ZCWPW2: variants seen among roughly 807,000 people sequenced by gnomAD.
ZCWPW2 encodes zinc finger CW-type PWWP domain protein 2.
ZCWPW2 carries 45 observed loss-of-function variants against 46.6 expected under a neutral mutation model. The observed-to-expected ratio is 0.96, with a 90% CI of 0.76 to 1.24. ZCWPW2 has a LOEUF of 1.24. ZCWPW2 is among the 50% of genes most tolerant of loss of function. ZCWPW2 has a pLI of 0.00. For missense variants in ZCWPW2, 429 were observed against 403.9 expected, an observed-to-expected ratio of 1.06 and a Z score of -0.53; for synonymous variants, 152 against 137.1, an observed-to-expected ratio of 1.11 and a Z score of -0.76.
chr3:28,430,201 CA>C (rs1697197302), intron 3 of ZCWPW2, among the ~76,000 whole-genome samples: 1 of 152,258 alleles, frequency 6.6e-6, no homozygotes, highest in Admixed American at 6.5e-5. Context: ...TGCACAGCCA[CA>C]GGGGTGGAGC....
intron 4 of ZCWPW2, among the ~76,000 whole-genome samples, chr3:28,440,678 AGCCCACT>A (rs1196823185): frequency 1.3e-5 from 2 of 152,210 alleles, no homozygotes; most frequent in African/African-American, 4.8e-5. Context: ...TATAAGCATG[AGCCCACT>A]GCCACGCTTC....
Position 28,524,750 on chromosome 3 carries a change from T to G in ZCWPW2, c.*62T>G. The G allele has an allele frequency of 7.8e-7, 1 of 1,280,918 alleles. No homozygotes were observed. The highest frequency in any genetic ancestry group is 1.0e-6 in the Non-Finnish European group (1 of 973,752). The allele number at this position is 1,280,918 out of a possible 1,614,324, so 79.3% of individuals were successfully genotyped here. On this transcript the variant is annotated 3_prime_UTR_variant, in exon 10 of 10. Transcript: ENST00000383768. ...TGGCATCTTTATATTTATCCAAAGT[T>G]AAAACTTTAAAAATGTTTAGTGAAA...
In ZCWPW2 at chr3:28,492,193, T is replaced by G. The variant is rs1378999955; in HGVS notation, c.657+20T>G. ...AAAAGGGTAAGATTGTGTTTTATTA[T>G]ATAAAATATACAAACTTCAAATTTC... On this transcript the variant is annotated intron_variant, in intron 6 of 9. Transcript: ENST00000383768. 1 of 1,583,344 alleles carries G rather than the reference T, an allele frequency of 6.3e-7. No homozygotes were observed. The highest frequency in any genetic ancestry group is 1.2e-5 in the South Asian group (1 of 84,500).
intron 1 of ZCWPW2, among the ~76,000 whole-genome samples, chr3:28,385,796 G>A (rs1269410296): frequency 5.9e-5 from 9 of 152,136 alleles, no homozygotes; most frequent in Non-Finnish European, 1.3e-4. Flanking sequence ...TGGCCATGGT[G>A]AATTTTTTCT....
chr3:28,500,376 A>G (rs562265667), intron 6 of ZCWPW2, among the ~76,000 whole-genome samples: 17 of 152,220 alleles, frequency 1.1e-4, no homozygotes, highest in African/African-American at 4.1e-4. Flanking sequence ...TTTTCAATAG[A>G]GAATTTTACA....
rs1037995199 is a variant in ZCWPW2 at position 28,458,225 on chromosome 3, A to C, written c.493-20589A>C. Among the ~76,000 whole-genome samples the C allele has an allele frequency of 2.6e-5, 4 of 152,182 alleles. No individual in the cohort carries two copies. In the South Asian group the frequency reaches 8.3e-4, roughly 31 times the overall value. On this transcript the variant is annotated intron_variant, in intron 4 of 9. Transcript: ENST00000383768. ...CTCTATGTAAACTTATGCAAGTTCT[A>C]AACTCAGTGCCTCTACTTTCTCATC... is the stretch of plus-strand genomic sequence containing the variant.
chr3:28,405,394 A>G (rs1202978804), intron 2 of ZCWPW2, among the ~76,000 whole-genome samples: 1 of 148,874 alleles, frequency 6.7e-6, no homozygotes, highest in East Asian at 1.9e-4. Flanking sequence ...AGAATGTGAT[A>G]GTGGATTTAG....
intron 4 of ZCWPW2, among the ~76,000 whole-genome samples, chr3:28,458,219 A>T (rs188638607): frequency 6.6e-6 from 1 of 152,180 alleles, no homozygotes; most frequent in Non-Finnish European, 1.5e-5. Context: ...AACTTATGCA[A>T]GTTCTAAACT....
Position 28,436,414 on chromosome 3 carries a change from A to T in ZCWPW2, c.492+1145A>T, listed in dbSNP as rs149032441. Among the ~76,000 whole-genome samples the T allele has an allele frequency of 5.3e-3, 801 of 149,720 alleles. 4 individuals carry two copies. Among genetic ancestry groups the T allele is most frequent in the African/African-American group, 0.019 (769 of 40,698 alleles). On this transcript the variant is annotated intron_variant, in intron 4 of 9. Coordinates refer to ENST00000383768, the MANE Select transcript of ZCWPW2 (RefSeq NM_001040432.4). ...AGCCTCCCAAGTAGTTAAGTCTACA[A>T]GCAGACACTACTGTGCCCAGCTGGA...
chr3:28,425,731 A>G (rs572525313), intron 3 of ZCWPW2, among the ~76,000 whole-genome samples: 57 of 152,346 alleles, frequency 3.7e-4, no homozygotes, highest in African/African-American at 1.3e-3. Flanking sequence ...TTCTTTTCCT[A>G]TGTGCAGACT....
chr3:28,421,816 C>T (rs148671369), intron 3 of ZCWPW2, among the ~76,000 whole-genome samples: 285 of 142,198 alleles, frequency 2.0e-3, no homozygotes, highest in African/African-American at 7.0e-3. Flanking sequence ...TGTTGAGAAC[C>T]ATATGTTGGA....
intron 1 of ZCWPW2, among the ~76,000 whole-genome samples, 197 bp downstream of exon 1, chr3:28,349,400 C>G (rs1704442137): frequency 6.6e-6 from 1 of 152,180 alleles, no homozygotes; most frequent in African/African-American, 2.4e-5. Flanking sequence ...GAAGCCGTTC[C>G]TCTGTAGCCT....
chr3:28,371,956 TCTTCCTTCTTCTTTCC>T (rs1438208049), intron 1 of ZCWPW2, among the ~76,000 whole-genome samples: 12 of 148,636 alleles, frequency 8.1e-5, no homozygotes, highest in Non-Finnish European at 1.6e-4. Flanking sequence ...TCCTTCTTCT[TCTTCCTTCTTCTTTCC>T]TCCTCCTCCT....
intron 1 of ZCWPW2, among the ~76,000 whole-genome samples, chr3:28,376,395 T>G (rs1705500918): frequency 6.6e-6 from 1 of 152,168 alleles, no homozygotes; most frequent in South Asian, 2.1e-4. Flanking sequence ...ATTACCCATA[T>G]CTTTACAGAT....
intron 2 of ZCWPW2, among the ~76,000 whole-genome samples, chr3:28,392,284 T>C (rs1447109784): frequency 6.6e-6 from 1 of 152,162 alleles, no homozygotes; most frequent in Non-Finnish European, 1.5e-5. Flanking sequence ...TAAATATATA[T>C]GCACCCAACA....
intron 4 of ZCWPW2, among the ~76,000 whole-genome samples, chr3:28,440,775 C>T (rs1449813949): frequency 3.3e-5 from 5 of 152,140 alleles, no homozygotes; most frequent in African/African-American, 1.2e-4. Flanking sequence ...TTCTGTGAGT[C>T]GATGGATGAT....
intron 4 of ZCWPW2, among the ~76,000 whole-genome samples, chr3:28,438,242 C>T (rs367971861): frequency 6.6e-6 from 1 of 152,292 alleles, no homozygotes; most frequent in South Asian, 2.1e-4. Context: ...TGTAATCTCC[C>T]TCATTTGTGC....
Position 28,349,032 on chromosome 3 carries a change from A to T in ZCWPW2, c.-305A>T. ...GGCTCGGCGCCAGGGACGCGCGAGG[A>T]AACCGGAAGTCAGGCCCGAGGGAGC... On this transcript the variant is annotated 5_prime_UTR_variant, in exon 1 of 10. Coordinates refer to ENST00000383768, the MANE Select transcript of ZCWPW2 (RefSeq NM_001040432.4). 1 of 986,144 alleles carries T rather than the reference A, an allele frequency of 1.0e-6. No individual in the cohort carries two copies. The allele number at this position is 986,144 out of a possible 1,614,324, so 61.1% of individuals were successfully genotyped here. A position where few individuals can be genotyped will look rare whatever the true frequency, so the allele number is the denominator to read the frequency against.
intron 1 of ZCWPW2, among the ~76,000 whole-genome samples, chr3:28,382,334 T>C (rs1695137454): frequency 6.6e-6 from 1 of 152,164 alleles, no homozygotes; most frequent in African/African-American, 2.4e-5. Flanking sequence ...ATCTTCTCCC[T>C]GTCCTCACAT....
Sources: gnomAD v4.1 joint callset for allele counts (sites outside exome capture counted in the v4.1 genomes callset) on GRCh38, gnomAD v4.1.1 for gene constraint, MANE v1.5 for transcripts, NCBI Gene and HGNC (gene_info 2026-07-23, HGNC 2026-07-21) for gene names.